The following TMCC1 variants were observed in gnomAD, a reference collection of about 807,000 sequenced individuals.
TMCC1 encodes transmembrane and coiled-coil domains protein 1.
In TMCC1, 15 loss-of-function variants were observed where a neutral mutation model predicts 52.4. That is an observed-to-expected ratio of 0.29 (90% CI 0.19 to 0.44). The LOEUF (loss-of-function observed/expected upper bound fraction) is 0.44. Among genes scored for constraint, TMCC1 ranks in the 20% least tolerant of loss-of-function variants. The pLI, the probability that TMCC1 is intolerant of heterozygous loss-of-function variation, is 1.00. For synonymous variants in TMCC1, 279 were observed against 301.9 expected (o/e 0.92, Z 0.79); for missense variants, 503 against 806.0 (o/e 0.62, Z 4.55).
At chr3:129,718,158 G>C (rs1464359491) in intron 4 of TMCC1, among the ~76,000 whole-genome samples, 1 of 152,148 alleles carries the variant, frequency 6.6e-6, no homozygotes, top group Non-Finnish European at 1.5e-5. Flanking sequence ...ACACCATAAA[G>C]TATGTACAAA....
intron 2 of TMCC1, among the ~76,000 whole-genome samples, chr3:129,864,392 C>T (rs1017161728): frequency 4.6e-5 from 7 of 152,190 alleles, no homozygotes; most frequent in Non-Finnish European, 8.8e-5. Context: ...TAGACAGTAA[C>T]TTATCCAAAG....
chr3:129,847,668 AGTTTC>A (rs1233412596), intron 2 of TMCC1: 1 of 152,232 alleles, frequency 6.6e-6, no homozygotes, highest in Non-Finnish European at 1.5e-5. Context: ...GTGGATATAC[AGTTTC>A]ATTTCTCTTG....
At chr3:129,863,849 G>A (rs918290471) in intron 2 of TMCC1, among the ~76,000 whole-genome samples, 8 of 151,704 alleles carry the variant, frequency 5.3e-5, no homozygotes, top group East Asian at 1.9e-4. Flanking sequence ...GTGACAGAGC[G>A]AGACTCTTAT....
intron 4 of TMCC1, among the ~76,000 whole-genome samples, chr3:129,758,755 T>C (rs1303327292): frequency 3.3e-5 from 5 of 152,336 alleles, no homozygotes; most frequent in South Asian, 2.1e-4. Context: ...TATATTCACA[T>C]TGTGCAAACA....
chr3:129,793,660 A>G (rs1197714092), intron 4 of TMCC1, among the ~76,000 whole-genome samples: 6 of 152,194 alleles, frequency 3.9e-5, no homozygotes, highest in Non-Finnish European at 7.3e-5. Context: ...TTCATAAATC[A>G]CCATCCCCTC....
intron 4 of TMCC1, among the ~76,000 whole-genome samples, chr3:129,684,394 T>C (rs940831315): frequency 1.3e-5 from 2 of 152,228 alleles, no homozygotes; most frequent in Non-Finnish European, 2.9e-5. Flanking sequence ...CTATACTCTG[T>C]TGATGTAGGA....
intron 4 of TMCC1, among the ~76,000 whole-genome samples, chr3:129,790,336 T>C (rs532237187): frequency 6.6e-6 from 1 of 152,310 alleles, no homozygotes; most frequent in South Asian, 2.1e-4. Flanking sequence ...AGAAAATAAA[T>C]GTTCATATTT....
At chr3:129,865,834 T>C (rs1459904337) in intron 2 of TMCC1, among the ~76,000 whole-genome samples, 3 of 152,120 alleles carry the variant, frequency 2.0e-5, no homozygotes, top group Non-Finnish European at 4.4e-5. Context: ...TATAGGTTTA[T>C]GGGAATGCAA....
At chr3:129,820,012 C>G (rs1029680194) in intron 4 of TMCC1, 2 of 150,766 alleles carry the variant, frequency 1.3e-5, no homozygotes, top group African/African-American at 2.4e-5. Flanking sequence ...TTTAATATCC[C>G]AAGGAACCTC....
chr3:129,679,161 C>T (rs1198416723), intron 4 of TMCC1, among the ~76,000 whole-genome samples: 1 of 152,192 alleles, frequency 6.6e-6, no homozygotes, highest in Admixed American at 6.5e-5. Context: ...AGACAGGCAC[C>T]CATGTCAGGG....
intron 2 of TMCC1, among the ~76,000 whole-genome samples, chr3:129,852,733 G>T (rs1047226966): frequency 2.6e-5 from 4 of 152,206 alleles, no homozygotes; most frequent in Admixed American, 6.5e-5. Context: ...CTGAAGAAAA[G>T]AGTTTTTTAA....
intron 4 of TMCC1, among the ~76,000 whole-genome samples, chr3:129,746,866 A>G: frequency 6.6e-6 from 1 of 152,168 alleles, no homozygotes; most frequent in East Asian, 1.9e-4. Context: ...AGTGTGGAGG[A>G]GCAGAAAGAA....
chr3:129,741,203 G>A (rs190738669), intron 4 of TMCC1, among the ~76,000 whole-genome samples: 1 of 152,198 alleles, frequency 6.6e-6, no homozygotes, highest in African/African-American at 2.4e-5. Flanking sequence ...CATAATTACT[G>A]AAAACTGGTT....
At chr3:129,739,727 T>C (rs1247495576) in intron 4 of TMCC1, among the ~76,000 whole-genome samples, 3 of 152,180 alleles carry the variant, frequency 2.0e-5, no homozygotes, top group Non-Finnish European at 2.9e-5. Flanking sequence ...GTCTGGCAAT[T>C]AGCATATAAT....
intron 4 of TMCC1, among the ~76,000 whole-genome samples, chr3:129,687,578 A>G (rs1431982608): frequency 1.3e-5 from 2 of 152,240 alleles, no homozygotes; most frequent in African/African-American, 2.4e-5. Context: ...AAAAGGCTTC[A>G]TATCAATAGA....
intron 4 of TMCC1, among the ~76,000 whole-genome samples, chr3:129,808,808 A>G (rs1315403200): frequency 6.7e-6 from 1 of 149,940 alleles, no homozygotes; most frequent in East Asian, 1.9e-4. Flanking sequence ...TCCAAAACAG[A>G]AAAAAAAATA....
chr3:129,759,710 CTTTTTTTTTTTTTTTTT>C (rs61519484), intron 4 of TMCC1, among the ~76,000 whole-genome samples: 8 of 37,222 alleles, frequency 2.1e-4, no homozygotes, highest in Admixed American at 4.8e-4. Flanking sequence ...GCCAGCCAAA[CTTTTTTTTTTTTTTTTT>C]TTTTTTTTTT....
chr3:129,855,649 C>T (rs1369692535), intron 2 of TMCC1, among the ~76,000 whole-genome samples: 1 of 152,080 alleles, frequency 6.6e-6, no homozygotes, highest in African/African-American at 2.4e-5. Flanking sequence ...GGATAGCTTC[C>T]TTGGCCTAAA....
intron 2 of TMCC1, among the ~76,000 whole-genome samples, chr3:129,873,904 T>C (rs552665865): frequency 3.0e-4 from 45 of 152,254 alleles, no homozygotes; most frequent in African/African-American, 1.0e-3. Flanking sequence ...AGATTTCAGA[T>C]TTTGGATTTT....
Sources: allele counts gnomAD v4.1 joint callset (sites outside exome capture counted in the v4.1 genomes callset), GRCh38; gene constraint gnomAD v4.1.1; transcripts MANE v1.5; gene names NCBI Gene and HGNC (gene_info 2026-07-23, HGNC 2026-07-21).